The following C7orf78 variants were observed in gnomAD, a reference collection of about 807,000 sequenced individuals.
C7orf78 encodes the protein putative uncharacterized protein C7orf78.
chr7:12,518,321 T>C, the C7orf78 span, among the ~76,000 whole-genome samples: 4 of 152,144 alleles, frequency 2.6e-5, no homozygotes, highest in Admixed American at 2.6e-4. Context: ...GTGTTAGTTG[T>C]CCAGTTGAGC....
At chr7:12,523,507 G>T in the C7orf78 span, 1 of 396,364 alleles carries the variant, frequency 2.5e-6, no homozygotes, top group Admixed American at 4.4e-5. Context: ...TTCTTAATGA[G>T]AAAAACTATT....
At chr7:12,498,209 C>A in the C7orf78 span, among the ~76,000 whole-genome samples, 1 of 152,250 alleles carries the variant, frequency 6.6e-6, no homozygotes, top group South Asian at 2.1e-4. Flanking sequence ...AGCTCCTCAC[C>A]AGCAACGGAA....
At chr7:12,521,401 T>C in the C7orf78 span, among the ~76,000 whole-genome samples, 2 of 152,052 alleles carry the variant, frequency 1.3e-5, no homozygotes, top group Non-Finnish European at 2.9e-5. Context: ...TTTTTTTCTT[T>C]CTGATTAGTA....
At chr7:12,531,622 C>T in the C7orf78 span, among the ~76,000 whole-genome samples, 1 of 151,954 alleles carries the variant, frequency 6.6e-6, no homozygotes, top group Admixed American at 6.6e-5. Flanking sequence ...ATAGATATGG[C>T]CTTGCATGAC....
the C7orf78 span, among the ~76,000 whole-genome samples, chr7:12,503,032 A>G: frequency 7.2e-6 from 1 of 139,846 alleles, no homozygotes; most frequent in Non-Finnish European, 1.5e-5. Context: ...GAATTGAACA[A>G]TGAGATCACA....
chr7:12,536,538 T>C, the C7orf78 span, among the ~76,000 whole-genome samples: 2 of 152,258 alleles, frequency 1.3e-5, no homozygotes, highest in East Asian at 3.9e-4. Context: ...ATTTCCCCCA[T>C]TGTCTTGGGG....
At chr7:12,535,213 A>T in the C7orf78 span, among the ~76,000 whole-genome samples, 9 of 152,206 alleles carry the variant, frequency 5.9e-5, no homozygotes, top group African/African-American at 2.2e-4. Context: ...TGATTAAGAC[A>T]TACCCAAACT....
chr7:12,526,803 TGTCACTC>T, the C7orf78 span, among the ~76,000 whole-genome samples: 1 of 151,872 alleles, frequency 6.6e-6, no homozygotes. Flanking sequence ...ATATGCTATG[TGTCACTC>T]ACTTTCGTAG....
chr7:12,536,923 A>G, the C7orf78 span, among the ~76,000 whole-genome samples: 1 of 152,120 alleles, frequency 6.6e-6, no homozygotes, highest in African/African-American at 2.4e-5. Context: ...TTTATTGTTC[A>G]TATCACTATC....
the C7orf78 span, among the ~76,000 whole-genome samples, chr7:12,501,683 T>A: frequency 6.8e-6 from 1 of 147,500 alleles, no homozygotes; most frequent in Non-Finnish European, 1.5e-5. Flanking sequence ...TTCAATGCCA[T>A]CCCCATCAAG....
At chr7:12,498,477 G>C in the C7orf78 span, among the ~76,000 whole-genome samples, 6 of 151,578 alleles carry the variant, frequency 4.0e-5, no homozygotes, top group Non-Finnish European at 7.4e-5. Flanking sequence ...TGGAAGAAAG[G>C]GTATCAGCAA....
the C7orf78 span, among the ~76,000 whole-genome samples, chr7:12,526,377 T>A: frequency 6.6e-6 from 1 of 152,140 alleles, no homozygotes; most frequent in Non-Finnish European, 1.5e-5. Flanking sequence ...ATGCTATAAT[T>A]ACTGTTATGG....
the C7orf78 span, among the ~76,000 whole-genome samples, chr7:12,503,267 AG>A: frequency 4.6e-5 from 7 of 151,084 alleles, no homozygotes; most frequent in Non-Finnish European, 8.8e-5. Context: ...GAAACACAAA[AG>A]AAAAAAAATA....
chr7:12,527,940 C>T, the C7orf78 span, among the ~76,000 whole-genome samples: 1 of 149,088 alleles, frequency 6.7e-6, no homozygotes, highest in Non-Finnish European at 1.5e-5. Context: ...TGCCATCTAG[C>T]TGTGTAATTG....
the C7orf78 span, among the ~76,000 whole-genome samples, chr7:12,532,364 A>G: frequency 4.6e-5 from 7 of 151,678 alleles, no homozygotes; most frequent in African/African-American, 1.7e-4. Context: ...CCTGACCAAC[A>G]TGGTGAAACC....
the C7orf78 span, among the ~76,000 whole-genome samples, chr7:12,497,223 C>G: frequency 6.6e-6 from 1 of 152,062 alleles, no homozygotes; most frequent in Non-Finnish European, 1.5e-5. Flanking sequence ...GGGGAGGAGC[C>G]AAGATGGCCG....
the C7orf78 span, among the ~76,000 whole-genome samples, chr7:12,516,412 C>T: frequency 3.9e-5 from 6 of 152,298 alleles, no homozygotes; most frequent in East Asian, 1.9e-4. Context: ...GCTGCAGGAG[C>T]GGGGCACTCA....
chr7:12,488,372 C>T, the C7orf78 span, among the ~76,000 whole-genome samples: 1 of 151,988 alleles, frequency 6.6e-6, no homozygotes, highest in African/African-American at 2.4e-5. Flanking sequence ...GAGATTCAAT[C>T]ATGGCAAATG....
At chr7:12,539,510 T>C in the C7orf78 span, among the ~76,000 whole-genome samples, 6 of 152,232 alleles carry the variant, frequency 3.9e-5, no homozygotes, top group South Asian at 1.2e-3. Context: ...TATTCCTTAA[T>C]TCCTTAATTT....
Sources: gnomAD v4.1 joint callset for allele counts (sites outside exome capture counted in the v4.1 genomes callset) on GRCh38, gnomAD v4.1.1 for gene constraint, MANE v1.5 for transcripts, NCBI Gene and HGNC (gene_info 2026-07-23, HGNC 2026-07-21) for gene names.